PPP1R37: variants seen among roughly 807,000 people sequenced by gnomAD.
PPP1R37 encodes protein phosphatase 1 regulatory subunit 37.
In PPP1R37, 21 loss-of-function variants were observed where a neutral mutation model predicts 61.0. The observed-to-expected ratio is 0.34, with a 90% CI of 0.24 to 0.50. The LOEUF (loss-of-function observed/expected upper bound fraction) is 0.50, where lower values mean the gene tolerates loss of function less well. Ranked by LOEUF, PPP1R37 falls within the 20% of genes least tolerant of loss-of-function variation. The pLI, the probability that PPP1R37 is intolerant of heterozygous loss-of-function variation, is 0.98. For missense variants in PPP1R37, 910 were observed against 952.7 expected (o/e 0.96, Z 0.59); for synonymous variants, 443 against 433.5 (o/e 1.02, Z -0.27).
chr19:45,110,995 C>A (rs887923170), intron 1 of PPP1R37, among the ~76,000 whole-genome samples: 1 of 152,156 alleles, frequency 6.6e-6, no homozygotes, highest in African/African-American at 2.4e-5. Context: ...CTTTCCCGAG[C>A]CTGGCCCTGT....
chr19:45,114,016 C>T (rs752197260), intron 1 of PPP1R37, among the ~76,000 whole-genome samples: 11 of 152,210 alleles, frequency 7.2e-5, no homozygotes, highest in Non-Finnish European at 1.5e-4. Context: ...TTGGCCTCTG[C>T]AATAACAGGG....
chr19:45,128,545 A>G, intron 1 of PPP1R37: 1 of 1,205,102 alleles, frequency 8.3e-7, no homozygotes, highest in Non-Finnish European at 1.2e-6. Flanking sequence ...TGTTTGCGAG[A>G]GCTGGAATCG....
intron 1 of PPP1R37, 86 bp downstream of exon 1, chr19:45,093,613 G>A: frequency 1.9e-6 from 2 of 1,031,752 alleles, no homozygotes; most frequent in Non-Finnish European, 1.4e-6. Flanking sequence ...TCGAGGTGGC[G>A]TTCAATAGAT....
chr19:45,093,587 C>G, intron 1 of PPP1R37, 60 bp downstream of exon 1: 4 of 1,351,258 alleles, frequency 3.0e-6, no homozygotes, highest in Non-Finnish European at 1.0e-6. Context: ...CGGGAGGGAT[C>G]GGTGCAGGGC....
chr19:45,143,675 C>A (rs1968643948), intron 8 of PPP1R37, 42 bp downstream of exon 8: 2 of 1,174,474 alleles, frequency 1.7e-6, no homozygotes, highest in Non-Finnish European at 2.4e-6. Context: ...TCGGTCCCCG[C>A]TGCCACCTCC....
Position 45,093,247 on chromosome 19 carries a change from G to C in PPP1R37, c.-79G>C, listed in dbSNP as rs962419270. ...AGCGGCGGCGGAGCCCATGCCCCGG[G>C]ACGGCGGGCGGACCCGGAGAGACAA... On this transcript the variant is annotated 5_prime_UTR_variant, in exon 1 of 13. Coordinates refer to ENST00000221462, the MANE Select transcript of PPP1R37 (RefSeq NM_019121.2). 9 of 1,174,916 alleles carry C rather than the reference G, an allele frequency of 7.7e-6. No homozygotes were observed. The East Asian group carries it at 2.6e-4, about 33-fold the overall frequency. The allele number at this position is 1,174,916 out of a possible 1,614,324, so 72.8% of individuals were successfully genotyped here.
chr19:45,146,023 A>G lies in PPP1R37; in HGVS notation c.1967A>G (p.Lys656Arg), dbSNP rs1265471871. ...PPEPPPGPEV[K>R]GGSCGLEHEL... is the part of the protein sequence containing the mutation. The stretch of plus-strand genomic sequence containing the variant: ...GAGCCGCCCCCGGGGCCTGAGGTCA[A>G]GGGGGGCAGCTGCGGCCTGGAGCAC... The change falls in exon 11 of 13, where the codon AAG (lysine) becomes AGG (arginine). Residue 656 changes from lysine to arginine, a missense_variant. Transcript: ENST00000221462. 1.8e-5 allele frequency: 27 copies of G among 1,531,558 alleles called. No homozygotes were observed. In the East Asian group the frequency reaches 3.2e-4, roughly 18 times the overall value. 94.9% of individuals were successfully genotyped at this position (1,531,558 alleles called of 1,614,324 possible). A position where few individuals can be genotyped will look rare whatever the true frequency, so the allele number is the denominator to read the frequency against.
intron 8 of PPP1R37, chr19:45,143,888 T>C: frequency 3.1e-6 from 1 of 322,210 alleles, no homozygotes; most frequent in South Asian, 3.8e-5. Flanking sequence ...TGGAGTGCAG[T>C]GGCGCCATCT....
intron 11 of PPP1R37, 78 bp from the exon 12 acceptor site, chr19:45,146,312 C>T (rs1279932504): frequency 3.7e-6 from 5 of 1,361,882 alleles, no homozygotes; most frequent in Middle Eastern, 2.0e-4. Flanking sequence ...CCCTGAGGGT[C>T]TGGCTGGGGC....
intron 1 of PPP1R37, among the ~76,000 whole-genome samples, chr19:45,119,442 G>A (rs935997768): frequency 2.6e-5 from 4 of 152,022 alleles, no homozygotes; most frequent in East Asian, 1.9e-4. Flanking sequence ...CATGAGCCAC[G>A]GTGCCTGGCC....
chr19:45,142,211 G>T lies in PPP1R37; in HGVS notation c.718G>T (p.Ala240Ser). 2 of 1,533,884 alleles carry T rather than the reference G, an allele frequency of 1.3e-6. No individual in the cohort carries two copies. Among genetic ancestry groups the T allele is most frequent in the Non-Finnish European group, 1.7e-6 (2 of 1,145,602 alleles). The change falls in exon 6 of 13, where the codon GCC becomes TCC. Residue 240 changes from alanine to serine, a missense_variant and splice_region_variant. By Grantham distance (99) the Ala-to-Ser change is moderately conservative. Around this residue, in one of 3 missense-constraint regions of PPP1R37, gnomAD observed 280 missense variants for 382.2 expected, o/e 0.73. Transcript: ENST00000221462. ...SLSGRPLMLL[A>S]TALKMNMNLR... ...GTCGGGGCGGCCCCTCATGCTGCTC[G>T]GTGAGCCCCAAGCCCGGGAGGGTGA...
intron 1 of PPP1R37, among the ~76,000 whole-genome samples, chr19:45,115,766 G>A (rs1315953927): frequency 3.9e-5 from 6 of 152,108 alleles, no homozygotes; most frequent in Non-Finnish European, 5.9e-5. Flanking sequence ...TCTGAGGTCC[G>A]GAGTTCGAGA....
chr19:45,134,173 T>A (rs934915498), intron 1 of PPP1R37, among the ~76,000 whole-genome samples: 4 of 152,184 alleles, frequency 2.6e-5, no homozygotes, highest in Admixed American at 6.5e-5. Context: ...TCTCTTTTTT[T>A]TTTCTGAAAT....
At chr19:45,096,512 A>G (rs1253862168) in intron 1 of PPP1R37, among the ~76,000 whole-genome samples, 1 of 152,222 alleles carries the variant, frequency 6.6e-6, no homozygotes, top group Non-Finnish European at 1.5e-5. Flanking sequence ...TGCCACATAA[A>G]TAGCAGCTGT....
intron 1 of PPP1R37, among the ~76,000 whole-genome samples, chr19:45,137,469 G>A (rs942751437): frequency 6.6e-5 from 10 of 152,322 alleles, no homozygotes; most frequent in Middle Eastern, 3.4e-3. Context: ...GCATGGTGGC[G>A]GCTGTGGCCC....
chr19:45,097,244 G>C (rs1369849413), intron 1 of PPP1R37, among the ~76,000 whole-genome samples: 2 of 151,988 alleles, frequency 1.3e-5, no homozygotes, highest in Non-Finnish European at 2.9e-5. Context: ...GGAGGGACAG[G>C]GGGTGTCATT....
At chr19:45,097,246 G>A (rs1968004008) in intron 1 of PPP1R37, among the ~76,000 whole-genome samples, 1 of 152,060 alleles carries the variant, frequency 6.6e-6, no homozygotes, top group African/African-American at 2.4e-5. Flanking sequence ...AGGGACAGGG[G>A]GTGTCATTTG....
chr19:45,134,282 G>A (rs529632923), intron 1 of PPP1R37, among the ~76,000 whole-genome samples: 77 of 152,272 alleles, frequency 5.1e-4, no homozygotes, highest in Admixed American at 9.2e-4. Context: ...GGGATTGCAG[G>A]CGTGAGCCAT....
intron 1 of PPP1R37, among the ~76,000 whole-genome samples, chr19:45,094,070 T>G (rs370494732): frequency 1.3e-5 from 2 of 151,812 alleles, no homozygotes; most frequent in East Asian, 3.9e-4. Flanking sequence ...TAAAAAGGAG[T>G]CAAGATAAGG....
Sources: allele counts gnomAD v4.1 joint callset (sites outside exome capture counted in the v4.1 genomes callset), GRCh38; gene constraint gnomAD v4.1.1; regional missense constraint gnomAD v4.1.1; transcripts MANE v1.5; gene names NCBI Gene and HGNC (gene_info 2026-07-23, HGNC 2026-07-21).